The following NODAL variants were observed in gnomAD, a reference collection of about 807,000 sequenced individuals.
The protein encoded by NODAL is nodal homolog.
In NODAL, 12 loss-of-function variants were observed where a neutral mutation model predicts 34.0. That is an observed-to-expected ratio of 0.35 (90% CI 0.23 to 0.57). NODAL has a LOEUF of 0.57. NODAL is among the 20% of genes least tolerant of loss of function. The pLI is 0.83. For synonymous variants in NODAL, 162 were observed against 186.4 expected (o/e 0.87, Z 1.07); for missense variants, 390 against 444.2 (o/e 0.88, Z 1.10).
intron 1 of NODAL, 116 bp from the exon 2 acceptor site, chr10:70,436,099 T>C (rs1845350247): frequency 1.2e-6 from 1 of 839,952 alleles, no homozygotes; most frequent in Admixed American, 2.0e-5. Flanking sequence ...AGAATTACCT[T>C]CGAATTCTCA....
intron 2 of NODAL, 140 bp from the exon 3 acceptor site, chr10:70,433,228 G>A (rs890781778): frequency 2.9e-5 from 26 of 910,468 alleles, no homozygotes; most frequent in Non-Finnish European, 4.4e-5. Flanking sequence ...TTTCATAAAG[G>A]AATTAGCTTG....
chr10:70,447,148 A>G (rs1200612396), intron 1 of NODAL, among the ~76,000 whole-genome samples: 2 of 144,796 alleles, frequency 1.4e-5, no homozygotes, highest in African/African-American at 5.2e-5. Flanking sequence ...ATCTTGGCTC[A>G]CTGCAACCTC....
At position 70,435,496 on chromosome 10, in the gene NODAL, C is replaced by G; in HGVS notation, c.681G>C (p.Leu227=). 1 of 1,614,160 alleles carries G rather than the reference C, an allele frequency of 6.2e-7. No individual in the cohort carries two copies. The highest frequency in any genetic ancestry group is 1.1e-5 in the South Asian group (1 of 91,086). ...ESSWRAQEGQ[L]SWEWGKRHRR... The stretch of plus-strand genomic sequence containing the variant: ...GGTGCCTCTTGCCCCACTCCCAGGA[C>G]AGCTGTCCCTCCTGGGCCCGCCAGG... Residue 227 remains leucine, a synonymous_variant, in exon 2 of 3, where the codon CTG becomes CTC. Coordinates refer to ENST00000287139, the MANE Select transcript of NODAL (RefSeq NM_018055.5).
chr10:70,436,161 A>G (rs1335733722), intron 1 of NODAL, 178 bp from the exon 2 acceptor site: 1 of 658,092 alleles, frequency 1.5e-6, no homozygotes, highest in East Asian at 2.7e-5. Flanking sequence ...GAGATGAGGA[A>G]AACTGAGGCT....
chr10:70,435,256 C>A, intron 2 of NODAL, 30 bp downstream of exon 2: 1 of 1,572,542 alleles, frequency 6.4e-7, no homozygotes, highest in South Asian at 1.2e-5. Flanking sequence ...AGCTTACTGC[C>A]TCCCCTCCCC....
chr10:70,446,715 C>T (rs1175803161), intron 1 of NODAL, among the ~76,000 whole-genome samples: 2 of 152,058 alleles, frequency 1.3e-5, no homozygotes, highest in Middle Eastern at 3.2e-3. Context: ...CTGTTCACCC[C>T]TCACTGATGT....
chr10:70,433,025 T>G lies in NODAL; in HGVS notation c.955A>C (p.Lys319Gln), dbSNP rs761688803. Residue 319 changes from lysine to glutamine, a missense_variant, in exon 3 of 3, where the codon AAG becomes CAG. By Grantham distance (53) the Lys-to-Gln change is moderately conservative. Transcript: ENST00000287139. ...PSTCCAPVKT[K>Q]PLSMLYVDNG... is the part of the protein sequence containing the mutation. Reference sequence around the variant, plus strand: ...TCCACATACAGCATGCTCAGCGGCTTGGTCTTCACTGGGGCACAACAAGTG... The same window carrying G: ...TCCACATACAGCATGCTCAGCGGCTGGGTCTTCACTGGGGCACAACAAGTG... 1.2e-6 allele frequency: 2 copies of G among 1,613,968 alleles called. No homozygotes were observed. Among genetic ancestry groups the G allele is most frequent in the Non-Finnish European group, 1.7e-6 (2 of 1,180,026 alleles).
intron 1 of NODAL, among the ~76,000 whole-genome samples, chr10:70,437,637 G>A (rs547207472): frequency 1.2e-3 from 178 of 152,282 alleles, no homozygotes; most frequent in South Asian, 2.5e-3. Context: ...AATTCTTTGT[G>A]AATAGACTCT....
rs955562350 is a variant in NODAL at position 70,439,129 on chromosome 10, C to T, written c.193+2346G>A. Among the ~76,000 whole-genome samples, 8 of 152,140 alleles carry T rather than the reference C, an allele frequency of 5.3e-5. No individual in the cohort carries two copies. In the South Asian group the frequency reaches 1.0e-3, roughly 20 times the overall value. ...AAGTGATTCTCCTGCCTCACCCTCCCGAGTAGCTGGGACTACAGGTGCGCG... is the reference window on the plus strand; with the variant it reads ...AAGTGATTCTCCTGCCTCACCCTCCTGAGTAGCTGGGACTACAGGTGCGCG... On this transcript the variant is annotated intron_variant, in intron 1 of 2. Coordinates refer to ENST00000287139, the MANE Select transcript of NODAL (RefSeq NM_018055.5).
At chr10:70,440,166 AGG>A (rs570553803) in intron 1 of NODAL, among the ~76,000 whole-genome samples, 202 of 152,368 alleles carry the variant, frequency 1.3e-3, no homozygotes, top group African/African-American at 4.6e-3. Context: ...AAGACGCGCC[AGG>A]GACAACAGGG....
chr10:70,439,655 A>C (rs1845403548), intron 1 of NODAL, among the ~76,000 whole-genome samples: 1 of 152,226 alleles, frequency 6.6e-6, no homozygotes, highest in Non-Finnish European at 1.5e-5. Context: ...AAATAAACCC[A>C]AGATGGAAGG....
intron 1 of NODAL, 66 bp downstream of exon 1, chr10:70,441,409 G>A: frequency 2.0e-6 from 3 of 1,513,236 alleles, no homozygotes; most frequent in Non-Finnish European, 1.8e-6. Context: ...TCCCGAGTCC[G>A]CTGGCTGGAC....
At chr10:70,435,027 T>G in intron 2 of NODAL, 1 of 483,038 alleles carries the variant, frequency 2.1e-6, no homozygotes, top group Non-Finnish European at 3.8e-6. Flanking sequence ...CACCCCCTAA[T>G]TTTATGAAAG....
In NODAL at chr10:70,432,507, G is replaced by A. The variant is rs1845278696; in HGVS notation, c.*429C>T. ...TCCTTAATCTTTGGGGAGGGGGACAGGTCACACACAGACTACTTTGGAGAA... is the reference window on the plus strand; with the variant it reads ...TCCTTAATCTTTGGGGAGGGGGACAAGTCACACACAGACTACTTTGGAGAA... On this transcript the variant is annotated 3_prime_UTR_variant, in exon 3 of 3. Coordinates refer to ENST00000287139, the MANE Select transcript of NODAL (RefSeq NM_018055.5). The A allele has an allele frequency of 1.0e-5, 3 of 297,702 alleles. No individual in the cohort carries two copies. The highest frequency in any genetic ancestry group is 4.3e-5 in the African/African-American group (2 of 46,022). 18.4% of individuals were successfully genotyped at this position (297,702 alleles called of 1,614,324 possible).
At chr10:70,441,163 T>C (rs1487884985) in intron 1 of NODAL, among the ~76,000 whole-genome samples, 1 of 152,222 alleles carries the variant, frequency 6.6e-6, no homozygotes, top group Non-Finnish European at 1.5e-5. Context: ...GCTCCCACCC[T>C]TCCGCGCTGC....
At chr10:70,438,301 A>C (rs1589153418) in intron 1 of NODAL, among the ~76,000 whole-genome samples, 1 of 152,242 alleles carries the variant, frequency 6.6e-6, no homozygotes, top group East Asian at 1.9e-4. Flanking sequence ...GTCTCGAAAA[A>C]AGAAAAACTT....
In NODAL at chr10:70,433,095, A is replaced by G; in HGVS notation, c.892-7T>C. Reference sequence around the variant, plus strand: ...GGTAACGTTTCAGCAGACTCTGTAAAGGAAAGGAAGGGTGTGTCAATTCAC... The same window carrying G: ...GGTAACGTTTCAGCAGACTCTGTAAGGGAAAGGAAGGGTGTGTCAATTCAC... On this transcript the variant is annotated splice_polypyrimidine_tract_variant and splice_region_variant and intron_variant, in intron 2 of 2. Transcript: ENST00000287139. 1.2e-6 allele frequency: 2 copies of G among 1,613,896 alleles called. No individual in the cohort carries two copies. The highest frequency in any genetic ancestry group is 1.7e-6 in the Non-Finnish European group (2 of 1,180,030).
upstream of NODAL, chr10:70,441,756 G>A: frequency 7.1e-7 from 1 of 1,402,010 alleles, no homozygotes; most frequent in Non-Finnish European, 9.8e-7. Flanking sequence ...CCTCCCTCTG[G>A]GGAAGCTTTA....
upstream of NODAL, chr10:70,441,765 T>G: frequency 7.9e-7 from 1 of 1,270,510 alleles, no homozygotes; most frequent in Non-Finnish European, 1.1e-6. Flanking sequence ...GGGGAAGCTT[T>G]AAGATCATAT....
Sources: allele counts gnomAD v4.1 joint callset (sites outside exome capture counted in the v4.1 genomes callset), GRCh38; gene constraint gnomAD v4.1.1; transcripts MANE v1.5; gene names NCBI Gene and HGNC (gene_info 2026-07-23, HGNC 2026-07-21).